MAPK9: variants seen among roughly 807,000 people sequenced by gnomAD.
The protein encoded by MAPK9 is Jun kinase.
Under a neutral mutation model 57.1 loss-of-function variants are expected in MAPK9, and 30 were observed. That is an observed-to-expected ratio of 0.53 (90% CI 0.39 to 0.71). MAPK9 has a LOEUF of 0.71. MAPK9 is among the 30% of genes least tolerant of loss of function. MAPK9 has a pLI of 0.00. For synonymous variants in MAPK9, 155 were observed against 177.0 expected, an observed-to-expected ratio of 0.88 and a Z score of 0.99; for missense variants, 362 against 521.0, an observed-to-expected ratio of 0.69 and a Z score of 2.97.
chr5:180,273,255 G>A (rs1377506862), intron 2 of MAPK9, among the ~76,000 whole-genome samples: 2 of 151,996 alleles, frequency 1.3e-5, no homozygotes, highest in African/African-American at 4.8e-5. Context: ...TACATATTCT[G>A]AACAAGAGAT....
rs1230773114 is a variant in MAPK9, at chr5:180,242,695, T to C, written c.749A>G (p.Lys250Arg). The C allele has an allele frequency of 1.2e-6, 2 of 1,614,188 alleles. No individual in the cohort carries two copies. Among genetic ancestry groups the C allele is most frequent in the Admixed American group, 1.7e-5 (1 of 60,032 alleles). The change falls in exon 8 of 12, where the codon AAG becomes AGG. Residue 250 changes from lysine to arginine, a missense_variant. By Grantham distance (26) the Lys-to-Arg change is conservative. Around this residue, in one of 3 missense-constraint regions of MAPK9, gnomAD observed 199 missense variants for 251.3 expected, o/e 0.79. Coordinates refer to ENST00000452135, the MANE Select transcript of MAPK9 (RefSeq NM_002752.5). ...QLGTPSAEFMKKLQPTVRNYV... is the reference protein window; with the variant it reads ...QLGTPSAEFMRKLQPTVRNYV... ...ATTCCTCACAGTTGGCTGAAGTTTC[T>C]TCATGAACTCTGCTGATGGTGTTCC...
intron 3 of MAPK9, among the ~76,000 whole-genome samples, chr5:180,266,620 T>A (rs1462072150): frequency 6.6e-6 from 1 of 151,814 alleles, no homozygotes; most frequent in Non-Finnish European, 1.5e-5. Context: ...GCCCGGCTGA[T>A]ACTTTTTTTT....
At chr5:180,280,348 T>C in intron 2 of MAPK9, 92 bp downstream of exon 2, 3 of 1,510,076 alleles carry the variant, frequency 2.0e-6, no homozygotes, top group Non-Finnish European at 2.7e-6. Flanking sequence ...GTTTTTTTTT[T>C]AATCATCAAT....
chr5:180,258,775 C>T (rs1482300881), intron 5 of MAPK9, among the ~76,000 whole-genome samples: 1 of 151,252 alleles, frequency 6.6e-6, no homozygotes, highest in Non-Finnish European at 1.5e-5. Context: ...ACCTGTAATC[C>T]CAGCACTTTG....
intron 11 of MAPK9, 71 bp from the exon 12 acceptor site, chr5:180,236,597 C>T (rs1757192603): frequency 2.6e-6 from 4 of 1,537,280 alleles, no homozygotes. Context: ...AGCGAGACTG[C>T]AGGCCATTTC....
chr5:180,269,390 G>C lies in MAPK9; in HGVS notation c.142C>G (p.Leu48Val). Residue 48 changes from leucine (L) to valine (V), a missense_variant, in exon 3 of 12, where the codon CTT (leucine) becomes GTT (valine). Physicochemically the swap from Leu to Val is conservative, Grantham distance 32. Around this residue, in one of 3 missense-constraint regions of MAPK9, gnomAD observed 127 missense variants for 231.7 expected, o/e 0.55. Transcript: ENST00000452135. ...TTCTTGACTGCAACATTTATCCCAA[G>C]AACTGTATCAAATGCAGCACTAGAA... ...GIVCAAFDTV[L>V]GINVAVKKLS... 1 of 1,613,962 alleles carries C rather than the reference G, an allele frequency of 6.2e-7. No homozygotes were observed. Among genetic ancestry groups the C allele is most frequent in the Non-Finnish European group, 8.5e-7 (1 of 1,179,898 alleles).
At chr5:180,290,582 G>C (rs1184219893) in intron 1 of MAPK9, among the ~76,000 whole-genome samples, 3 of 152,264 alleles carry the variant, frequency 2.0e-5, no homozygotes, top group African/African-American at 7.2e-5. Context: ...ATGTGTGGAA[G>C]AAAGCTACAG....
chr5:180,291,023 C>T (rs780236737), intron 1 of MAPK9, among the ~76,000 whole-genome samples: 1 of 152,022 alleles, frequency 6.6e-6, no homozygotes, highest in Admixed American at 6.6e-5. Context: ...AGAGGGTGGT[C>T]GAGGAGGGCC....
intron 4 of MAPK9, among the ~76,000 whole-genome samples, chr5:180,264,118 T>G (rs1307024411): frequency 1.3e-5 from 2 of 152,150 alleles, no homozygotes; most frequent in African/African-American, 4.8e-5. Context: ...CTCAGCACTT[T>G]TGATCCCCTG....
chr5:180,265,083 C>T (rs1020367178), intron 3 of MAPK9, among the ~76,000 whole-genome samples: 1 of 152,142 alleles, frequency 6.6e-6, no homozygotes, highest in African/African-American at 2.4e-5. Context: ...AGAATTTAAA[C>T]ACATAATGTC....
chr5:180,277,068 C>A (rs1459022666), intron 2 of MAPK9, among the ~76,000 whole-genome samples: 1 of 151,932 alleles, frequency 6.6e-6, no homozygotes, highest in African/African-American at 2.4e-5. Context: ...GCACACCTGC[C>A]CTTCATAAAG....
At chr5:180,249,920 T>C (rs758410178) in intron 5 of MAPK9, among the ~76,000 whole-genome samples, 4 of 152,222 alleles carry the variant, frequency 2.6e-5, no homozygotes, top group Non-Finnish European at 5.9e-5. Context: ...CTGTGGTTAG[T>C]GGCTGCCATA....
In MAPK9 at chr5:180,292,041, C is replaced by CCG. The variant is rs1763326633; in HGVS notation, c.-243_-242dup. 1.3e-5 allele frequency: 2 copies of CCG among 155,428 alleles called. No homozygotes were observed. The highest frequency in any genetic ancestry group is 2.4e-5 in the African/African-American group (1 of 41,220). 9.6% of individuals were successfully genotyped at this position (155,428 alleles called of 1,614,324 possible). A position where few individuals can be genotyped will look rare whatever the true frequency, so the allele number is the denominator to read the frequency against. On this transcript the variant is annotated 5_prime_UTR_variant, in exon 1 of 12. Coordinates refer to ENST00000452135, the MANE Select transcript of MAPK9 (RefSeq NM_002752.5). ...CCGGGGCGCTGCGACCCTTCCGGTCCCGCTCCCTTCTCCGCCGCTGCCGCC... is the reference window on the plus strand; with the variant it reads ...CCGGGGCGCTGCGACCCTTCCGGTCCCGCGCTCCCTTCTCCGCCGCTGCCGCC...
intron 1 of MAPK9, among the ~76,000 whole-genome samples, chr5:180,281,897 G>A (rs140216398): frequency 0.015 from 2,240 of 152,298 alleles, 26 homozygotes; most frequent in Non-Finnish European, 0.025. Context: ...ACGCCACAGC[G>A]CTTAGATGCT....
chr5:180,253,030 G>A lies in MAPK9; in HGVS notation c.451-3892C>T, dbSNP rs1024923511. On this transcript the variant is annotated intron_variant, in intron 5 of 11. Transcript: ENST00000452135. Reference sequence around the variant, plus strand: ...ACGGAAATGCACTCCTTGGTCTCCCGCCACAGGAGTGAGAGTGACAGATGG... The same window carrying A: ...ACGGAAATGCACTCCTTGGTCTCCCACCACAGGAGTGAGAGTGACAGATGG... 1.3e-4 allele frequency among the ~76,000 whole-genome samples: 20 copies of A among 152,158 alleles called. No individual in the cohort carries two copies. In the East Asian group the frequency reaches 1.5e-3, roughly 12 times the overall value.
chr5:180,250,395 C>T (rs972653473), intron 5 of MAPK9, among the ~76,000 whole-genome samples: 1 of 152,208 alleles, frequency 6.6e-6, no homozygotes, highest in Non-Finnish European at 1.5e-5. Context: ...GAAACTGTGA[C>T]TTGTAAACAA....
At chr5:180,280,938 C>T (rs1762264480) in intron 1 of MAPK9, among the ~76,000 whole-genome samples, 2 of 152,166 alleles carry the variant, frequency 1.3e-5, no homozygotes, top group South Asian at 4.1e-4. Flanking sequence ...CAGCTTGCCC[C>T]CTGTGGGCAA....
At chr5:180,270,902 A>G (rs1761231995) in intron 2 of MAPK9, among the ~76,000 whole-genome samples, 1 of 152,064 alleles carries the variant, frequency 6.6e-6, no homozygotes, top group African/African-American at 2.4e-5. Flanking sequence ...AAGAATTTGA[A>G]AACAGACACA....
intron 2 of MAPK9, among the ~76,000 whole-genome samples, chr5:180,273,434 C>T (rs1254633364): frequency 1.3e-5 from 2 of 151,646 alleles, no homozygotes; most frequent in African/African-American, 2.4e-5. Flanking sequence ...ATTATGTTGG[C>T]CAGGCTGGTC....
Sources: gnomAD v4.1 joint callset for allele counts (sites outside exome capture counted in the v4.1 genomes callset) on GRCh38, gnomAD v4.1.1 for gene constraint, gnomAD v4.1.1 regional missense constraint, MANE v1.5 for transcripts, NCBI Gene and HGNC (gene_info 2026-07-23, HGNC 2026-07-21) for gene names.